FYTTD1: variants seen among roughly 807,000 people sequenced by gnomAD.
FYTTD1 encodes UAP56-interacting factor.
FYTTD1 carries 22 observed loss-of-function variants against 40.9 expected under a neutral mutation model. That is an observed-to-expected ratio of 0.54 (90% CI 0.38 to 0.77). FYTTD1 has a LOEUF of 0.77. FYTTD1 is among the 30% of genes least tolerant of loss of function. The pLI, the probability that FYTTD1 is intolerant of heterozygous loss-of-function variation, is 0.00. For synonymous variants in FYTTD1, 140 were observed against 137.9 expected (o/e 1.01, Z -0.10); for missense variants, 351 against 392.2 (o/e 0.90, Z 0.89).
chr3:197,762,031 A>G (rs1187991038), intron 2 of FYTTD1, among the ~76,000 whole-genome samples: 3 of 152,204 alleles, frequency 2.0e-5, no homozygotes, highest in Non-Finnish European at 2.9e-5. Flanking sequence ...AGAAGGCTAG[A>G]GAGCTCTCCA....
chr3:197,768,642 C>A, intron 3 of FYTTD1, 55 bp downstream of exon 3: 1 of 1,452,440 alleles, frequency 6.9e-7, no homozygotes, highest in Non-Finnish European at 9.4e-7. Context: ...TTTGTACTAA[C>A]ATTTCTGTGA....
At chr3:197,760,588 GGTT>G (rs1019022009) in intron 2 of FYTTD1, among the ~76,000 whole-genome samples, 2 of 151,534 alleles carry the variant, frequency 1.3e-5, no homozygotes. Flanking sequence ...GAATATATAG[GGTT>G]GTTCTTCTGT....
At chr3:197,779,007 C>T (rs969454457) in intron 8 of FYTTD1, among the ~76,000 whole-genome samples, 1 of 152,210 alleles carries the variant, frequency 6.6e-6, no homozygotes, top group African/African-American at 2.4e-5. Flanking sequence ...TTAATATTCC[C>T]ACCAGCATCT....
rs952656321 is a variant in FYTTD1, at chr3:197,783,699, G to T, written c.*1790G>T. 7.2e-5 allele frequency: 11 copies of T among 152,236 alleles called. No individual in the cohort carries two copies. Among genetic ancestry groups the T allele is most frequent in the African/African-American group, 2.4e-4 (10 of 41,412 alleles). The allele number at this position is 152,236 out of a possible 1,614,324, so 9.4% of individuals were successfully genotyped here. A position where few individuals can be genotyped will look rare whatever the true frequency, so the allele number is the denominator to read the frequency against. Reference sequence around the variant, plus strand: ...CATTTTAGTCTGATTTAGAATTACTGGTAGCTTATTTTAAAGCAAGGAAAA... The same window carrying T: ...CATTTTAGTCTGATTTAGAATTACTTGTAGCTTATTTTAAAGCAAGGAAAA... On this transcript the variant is annotated 3_prime_UTR_variant, in exon 9 of 9. Coordinates refer to ENST00000241502, the MANE Select transcript of FYTTD1 (RefSeq NM_032288.7).
intron 6 of FYTTD1, among the ~76,000 whole-genome samples, chr3:197,776,509 C>T (rs1047133981): frequency 1.3e-5 from 2 of 151,012 alleles, no homozygotes; most frequent in Non-Finnish European, 2.9e-5. Context: ...AGGTGTGAGC[C>T]AGTGCCCGGC....
At chr3:197,771,559 G>A (rs1188099582) in intron 4 of FYTTD1, among the ~76,000 whole-genome samples, 1 of 151,242 alleles carries the variant, frequency 6.6e-6, no homozygotes, top group Non-Finnish European at 1.5e-5. Flanking sequence ...GGCGGATCAC[G>A]AGGTCAGGAG....
At chr3:197,763,516 C>G (rs1264223076) in intron 2 of FYTTD1, 1 of 453,034 alleles carries the variant, frequency 2.2e-6, no homozygotes, top group East Asian at 7.1e-5. Context: ...GAGGTTCGTG[C>G]TTGTAATCCC....
chr3:197,774,417 A>G (rs184189287), intron 6 of FYTTD1, among the ~76,000 whole-genome samples: 20 of 152,372 alleles, frequency 1.3e-4, no homozygotes, highest in Admixed American at 1.2e-3. Context: ...CAAGAGTTCA[A>G]GGCTGTGAAG....
At position 197,760,330 on chromosome 3, in the gene FYTTD1, T is replaced by C. The variant is rs1729342743; in HGVS notation, c.235+3773T>C. Among the ~76,000 whole-genome samples, 4 of 152,224 alleles carry C rather than the reference T, an allele frequency of 2.6e-5. No homozygotes were observed. The South Asian group carries it at 8.3e-4, about 32-fold the overall frequency. ...TGGAGTGTTCTTCAGTGGTAGAATG[T>C]ATAGAGTTGTTTTTCAGTGGTAGAA... is the stretch of plus-strand genomic sequence containing the variant. On this transcript the variant is annotated intron_variant, in intron 2 of 8. Transcript: ENST00000241502.
chr3:197,765,771 C>T (rs530254460), intron 2 of FYTTD1, among the ~76,000 whole-genome samples: 21 of 151,480 alleles, frequency 1.4e-4, no homozygotes, highest in African/African-American at 4.6e-4. Context: ...CTGAGGCGGG[C>T]GGATCACAAG....
At chr3:197,767,487 A>T (rs1314683873) in intron 2 of FYTTD1, among the ~76,000 whole-genome samples, 2 of 146,328 alleles carry the variant, frequency 1.4e-5, no homozygotes, top group Non-Finnish European at 3.0e-5. Flanking sequence ...ATTTATTTAT[A>T]TATTTATTTA....
rs1057126085 is a variant in FYTTD1 at position 197,768,385 on chromosome 3, C to G, written c.236-54C>G. The G allele has an allele frequency of 1.4e-5, 18 of 1,311,386 alleles. No individual in the cohort carries two copies. In the African/African-American group the frequency reaches 2.3e-4, roughly 17 times the overall value. 81.2% of individuals were successfully genotyped at this position (1,311,386 alleles called of 1,614,324 possible). On this transcript the variant is annotated intron_variant, in intron 2 of 8. Transcript: ENST00000241502. ...CTTGGGAAATAGAATATCCTGTGAC[C>G]GTCCCAATTGAATTGTTAAATTGAC...
intron 5 of FYTTD1, 28 bp from the exon 6 acceptor site, chr3:197,774,121 G>A: frequency 6.3e-7 from 1 of 1,597,524 alleles, no homozygotes; most frequent in African/African-American, 1.3e-5. Context: ...GCTTTCTGTG[G>A]TACCTACTGC....
intron 2 of FYTTD1, among the ~76,000 whole-genome samples, chr3:197,763,090 A>G (rs948118982): frequency 1.3e-5 from 2 of 152,190 alleles, no homozygotes; most frequent in Non-Finnish European, 2.9e-5. Context: ...TTATTTTTTA[A>G]GTGAAATGGT....
At position 197,778,364 on chromosome 3, in the gene FYTTD1, C is replaced by A; in HGVS notation, c.758C>A (p.Thr253Asn). 6.2e-7 allele frequency: 1 copy of A among 1,610,416 alleles called. No homozygotes were observed. Among genetic ancestry groups the A allele is most frequent in the Non-Finnish European group, 8.5e-7 (1 of 1,177,840 alleles). ...PVTQKPRLTR[T>N]AVPSFLTKRE... ...ACTCAGAAACCACGATTAACTCGTA[C>A]TGCTGTACCTTCATTTTTAACAAAG... The change falls in exon 8 of 9, where the codon ACT (threonine) becomes AAT (asparagine). Residue 253 changes from threonine to asparagine, a missense_variant. Physicochemically the swap from Thr to Asn is moderately conservative, Grantham distance 65. Coordinates refer to ENST00000241502, the MANE Select transcript of FYTTD1 (RefSeq NM_032288.7).
At chr3:197,749,759 G>C (rs1321266296), upstream of FYTTD1, 1 of 579,686 alleles carries the variant, frequency 1.7e-6, no homozygotes, top group East Asian at 3.6e-5. Context: ...CCGATCCTGC[G>C]AGGGCCGCTA....
At chr3:197,758,900 C>T (rs996465976) in intron 2 of FYTTD1, among the ~76,000 whole-genome samples, 1 of 152,206 alleles carries the variant, frequency 6.6e-6, no homozygotes, top group African/African-American at 2.4e-5. Context: ...TTTCTGATGG[C>T]TGAACAAGTC....
chr3:197,778,247 G>T, intron 7 of FYTTD1, 91 bp from the exon 8 acceptor site: 2 of 969,362 alleles, frequency 2.1e-6, no homozygotes, highest in South Asian at 2.4e-5. Context: ...TAATACATTT[G>T]AACATGTGTA....
intron 6 of FYTTD1, among the ~76,000 whole-genome samples, chr3:197,776,610 C>T (rs1033067388): frequency 3.3e-5 from 5 of 151,708 alleles, no homozygotes; most frequent in African/African-American, 9.7e-5. Flanking sequence ...AAAGTGCTGC[C>T]TCTGGAGAGT....
Sources: gnomAD v4.1 joint callset for allele counts (sites outside exome capture counted in the v4.1 genomes callset) on GRCh38, gnomAD v4.1.1 for gene constraint, MANE v1.5 for transcripts, NCBI Gene and HGNC (gene_info 2026-07-23, HGNC 2026-07-21) for gene names.